The following JAK1 variants were observed in gnomAD, a reference collection of about 807,000 sequenced individuals.
JAK1 encodes the protein tyrosine-protein kinase JAK1.
JAK1 carries 16 observed loss-of-function variants against 136.6 expected under a neutral mutation model. The ratio of observed to expected loss-of-function variants is 0.12; its 90% CI spans 0.08 to 0.18. JAK1 has a LOEUF of 0.18. Ranked by LOEUF, JAK1 falls within the 10% of genes least tolerant of loss-of-function variation. JAK1 has a pLI of 1.00. For missense variants in JAK1, 859 were observed against 1,450.1 expected, an observed-to-expected ratio of 0.59 and a Z score of 6.62; for synonymous variants, 492 against 519.5, an observed-to-expected ratio of 0.95 and a Z score of 0.72.
intron 1 of JAK1, among the ~76,000 whole-genome samples, chr1:64,896,248 G>A (rs1029328353): frequency 6.6e-5 from 10 of 152,146 alleles, no homozygotes; most frequent in Admixed American, 2.6e-4. Context: ...ATTCTTTTAC[G>A]AATAGCCCTT....
intron 2 of JAK1, chr1:64,992,261 T>C (rs999682921): frequency 1.3e-5 from 2 of 152,030 alleles, no homozygotes; most frequent in Non-Finnish European, 2.9e-5. Flanking sequence ...ACGTCTGTAG[T>C]CCAAGCTACT....
At chr1:64,985,110 G>T (rs1646585912) in intron 2 of JAK1, 1 of 1,052,264 alleles carries the variant, frequency 9.5e-7, no homozygotes, top group Non-Finnish European at 1.5e-6. Flanking sequence ...CCTTCTTACT[G>T]CCCTTTCCAC....
At chr1:65,045,654 C>A (rs1284728503) in intron 1 of JAK1, among the ~76,000 whole-genome samples, 1 of 152,152 alleles carries the variant, frequency 6.6e-6, no homozygotes, top group Non-Finnish European at 1.5e-5. Flanking sequence ...TAAATGAGAT[C>A]AACAGATATA....
At position 64,984,239 on chromosome 1, in the gene JAK1, T is replaced by TG. The variant is rs1462787719; in HGVS notation, c.-78+60240dup. On this transcript the variant is annotated intron_variant, in intron 2 of 25. Coordinates refer to the JAK1 transcript ENST00000671954. The surrounding 1 kb of genome is among the most constrained non-coding windows in gnomAD (Gnocchi z 4.1). ...ACCCTGTCTGCCTTCCCACAGTGTG[T>TG]GTGTATCTGCTTCCTGGTAAGTCTG... 6.6e-6 allele frequency among the ~76,000 whole-genome samples: 1 copy of TG among 152,136 alleles called. No homozygotes were observed. The highest frequency in any genetic ancestry group is 1.5e-5 in the Non-Finnish European group (1 of 68,024).
intron 1 of JAK1, among the ~76,000 whole-genome samples, chr1:64,923,225 T>C (rs1645525779): frequency 6.6e-6 from 1 of 152,176 alleles, no homozygotes; most frequent in Non-Finnish European, 1.5e-5. Context: ...CATTAAATAT[T>C]GTATTGTGTT....
At chr1:64,843,542 G>A (rs1444440896) in intron 17 of JAK1, among the ~76,000 whole-genome samples, 1 of 152,102 alleles carries the variant, frequency 6.6e-6, no homozygotes, top group East Asian at 1.9e-4. Flanking sequence ...AATTTGCAGG[G>A]CTCTTAGGGT....
chr1:65,035,560 C>T (rs1232661542), intron 2 of JAK1, among the ~76,000 whole-genome samples: 1 of 152,202 alleles, frequency 6.6e-6, no homozygotes, highest in African/African-American at 2.4e-5. Context: ...AGGATAAACA[C>T]TTCCTACTTC....
intron 1 of JAK1, among the ~76,000 whole-genome samples, chr1:64,928,916 CTGA>C (rs750238666): frequency 6.6e-6 from 1 of 151,704 alleles, no homozygotes; most frequent in African/African-American, 2.4e-5. Flanking sequence ...TTTTAGCACA[CTGA>C]TGATGACAAA....
intron 6 of JAK1, 23 bp from the exon 7 acceptor site, chr1:64,867,231 A>C: frequency 6.6e-7 from 1 of 1,524,544 alleles, no homozygotes; most frequent in South Asian, 1.2e-5. Context: ...AGAAAAGTAC[A>C]TCTCCTTTTC....
intron 1 of JAK1, among the ~76,000 whole-genome samples, chr1:65,066,068 A>G (rs705509): frequency 0.37 from 56,738 of 151,990 alleles, 14,188 homozygotes; most frequent in African/African-American, 0.7. Context: ...GATTGCGGAG[A>G]GGACTAACTA....
At chr1:65,063,804 C>CAAAAA (rs370192253) in intron 1 of JAK1, among the ~76,000 whole-genome samples, 9 of 81,218 alleles carry the variant, frequency 1.1e-4, no homozygotes, top group African/African-American at 1.7e-4. Context: ...GACTCTATCT[C>CAAAAA]AAAAAAAAAA....
chr1:64,884,019 C>T lies in JAK1; in HGVS notation c.7-544G>A, dbSNP rs191516799. On this transcript the variant is annotated intron_variant, in intron 2 of 24. Coordinates refer to ENST00000342505, the MANE Select transcript of JAK1 (RefSeq NM_002227.4). ...CTTCACATCCCCACCTGAGACACTG[C>T]ACACAAAATGATGACCAATTCATGT... 2.0e-4 allele frequency among the ~76,000 whole-genome samples: 31 copies of T among 152,220 alleles called. No homozygotes were observed. In the East Asian group the frequency reaches 5.2e-3, roughly 26 times the overall value.
intron 7 of JAK1, among the ~76,000 whole-genome samples, chr1:64,866,645 C>T (rs891270208): frequency 2.0e-5 from 3 of 152,130 alleles, no homozygotes; most frequent in South Asian, 2.1e-4. Context: ...TATACTACTA[C>T]GTATTATACA....
intron 1 of JAK1, among the ~76,000 whole-genome samples, chr1:64,953,095 A>G (rs549195851): frequency 1.3e-5 from 2 of 152,354 alleles, no homozygotes; most frequent in African/African-American, 4.8e-5. Flanking sequence ...GAGGTTTCCT[A>G]AATCAGAGGT....
intron 20 of JAK1, among the ~76,000 whole-genome samples, chr1:64,839,059 T>C (rs1173413067): frequency 1.4e-5 from 2 of 139,086 alleles, no homozygotes; most frequent in East Asian, 2.1e-4. Context: ...GGCAGGAGAA[T>C]GGCGTGAACC....
intron 1 of JAK1, among the ~76,000 whole-genome samples, chr1:64,944,961 C>T (rs1207562457): frequency 2.6e-5 from 4 of 152,024 alleles, no homozygotes; most frequent in African/African-American, 7.2e-5. Flanking sequence ...GATTCTCCCC[C>T]GAGAAGCACT....
chr1:65,065,443 A>T (rs901893301), intron 1 of JAK1, among the ~76,000 whole-genome samples: 1 of 152,178 alleles, frequency 6.6e-6, no homozygotes, highest in African/African-American at 2.4e-5. Flanking sequence ...TGTAAGGAAC[A>T]GAGGGTGACA....
At chr1:64,954,828 A>T (rs1291145861) in intron 1 of JAK1, among the ~76,000 whole-genome samples, 1 of 152,240 alleles carries the variant, frequency 6.6e-6, no homozygotes, top group Non-Finnish European at 1.5e-5. Context: ...CAGGCAAATA[A>T]CGTATCTTTG....
intron 1 of JAK1, among the ~76,000 whole-genome samples, chr1:64,905,095 C>T (rs1032999347): frequency 1.3e-5 from 2 of 152,122 alleles, no homozygotes; most frequent in Non-Finnish European, 2.9e-5. Context: ...TTATTTGCCT[C>T]GGCCTTCTTG....
Sources: gnomAD v4.1 joint callset for allele counts (sites outside exome capture counted in the v4.1 genomes callset) on GRCh38, gnomAD v4.1.1 for gene constraint, Gnocchi (gnomAD v3.1) non-coding constraint, MANE v1.5 for transcripts, NCBI Gene and HGNC (gene_info 2026-07-23, HGNC 2026-07-21) for gene names.